The following MAX variants were observed in gnomAD, a reference collection of about 807,000 sequenced individuals.
MAX encodes MYC associated transcriptional regulator X, also known as protein max.
Under a neutral mutation model 22.3 loss-of-function variants are expected in MAX, and 3 were observed. That is an observed-to-expected ratio of 0.13 (90% CI 0.06 to 0.35). The LOEUF is 0.35. Among genes scored for constraint, MAX ranks in the 10% least tolerant of loss-of-function variants. The probability of loss-of-function intolerance (pLI) is 1.00; values close to 1 mark genes in which losing one functional copy is unlikely to be tolerated. For synonymous variants in MAX, 72 were observed against 77.7 expected (o/e 0.93, Z 0.39); for missense variants, 119 against 209.4 (o/e 0.57, Z 2.66).
chr14:65,070,135 T>C (rs2139718878), downstream of MAX, among the ~76,000 whole-genome samples: 1 of 152,338 alleles, frequency 6.6e-6, no homozygotes, highest in Non-Finnish European at 1.5e-5. The surrounding 1 kb of genome is among the most constrained non-coding windows in gnomAD (Gnocchi z 4.4). Flanking sequence ...CATTGGGTTA[T>C]TTTTTGAATC....
rs573708327 is a variant in MAX at position 65,023,701 on chromosome 14, CAT to C, written c.172-17419_172-17418del. Among the ~76,000 whole-genome samples the C allele has an allele frequency of 3.9e-5, 6 of 152,316 alleles. No homozygotes were observed. In the South Asian group the frequency reaches 1.0e-3, roughly 26 times the overall value. On this transcript the variant is annotated intron_variant, in intron 3 of 3. Coordinates refer to the MAX transcript ENST00000341653. This position sits in a 1 kb window ranked among gnomAD's most constrained non-coding sequence, Gnocchi z 4.1. ...AATTAATTGAGAATTTAAATTGCCT[CAT>C]GTGGCTAGTGGCTGCCTATTGGACA...
rs1566562933 is a variant in MAX at position 65,037,751 on chromosome 14, TATTTATTTATTTATTTA to T, written c.172-31484_172-31468del. On this transcript the variant is annotated intron_variant, in intron 3 of 3. Transcript: ENST00000341653. ...CTTATTTATTTATTTATTATTTATT[TATTTATTTATTTATTTA>T]TTTATTTATTTATTTATTTATTTAT... 4.2e-4 allele frequency among the ~76,000 whole-genome samples: 45 copies of T among 106,860 alleles called. 1 individual carries two copies. Among genetic ancestry groups the T allele is most frequent in the Admixed American group, 1.8e-3 (18 of 10,030 alleles). 70.1% of individuals were successfully genotyped at this position (106,860 alleles called of 152,430 possible). A position where few individuals can be genotyped will look rare whatever the true frequency, so the allele number is the denominator to read the frequency against.
intron 3 of MAX, among the ~76,000 whole-genome samples, chr14:65,064,005 G>GC: frequency 6.6e-6 from 1 of 152,148 alleles, no homozygotes; most frequent in East Asian, 1.9e-4. Flanking sequence ...TCACCCTTAG[G>GC]CCCACCTTGA....
At chr14:65,067,537 C>CA (rs1473199739) in intron 3 of MAX, among the ~76,000 whole-genome samples, 1 of 151,976 alleles carries the variant, frequency 6.6e-6, no homozygotes, top group African/African-American at 2.4e-5. Context: ...ATGACTTTGA[C>CA]AGTTTTGAAA....
rs79855589 is a variant in MAX, at chr14:65,049,462, T to G, written c.172-43178A>C. Among the ~76,000 whole-genome samples the G allele has an allele frequency of 6.4e-3, 971 of 152,302 alleles. 10 individuals are homozygous for G. The highest frequency in any genetic ancestry group is 0.022 in the African/African-American group (896 of 41,566). On this transcript the variant is annotated intron_variant, in intron 3 of 3. Coordinates refer to the MAX transcript ENST00000341653. ...AAAGGATTTAAAAGGTGGATTCCAGTGTGCAGTTATCACCCTATAATCGTA... is the reference window on the plus strand; with the variant it reads ...AAAGGATTTAAAAGGTGGATTCCAGGGTGCAGTTATCACCCTATAATCGTA...
chr14:65,097,629 TG>T (rs1298115527), intron 2 of MAX, among the ~76,000 whole-genome samples: 3 of 152,196 alleles, frequency 2.0e-5, no homozygotes, highest in Non-Finnish European at 4.4e-5. Context: ...GAGGGAAGCT[TG>T]TGTTGCTTAT....
chr14:65,027,916 T>A lies in MAX; in HGVS notation c.172-21632A>T. ...AATGACACATGGGATGACATGTCAG[T>A]GACACGTCAGAATCATTCAGATGTG... On this transcript the variant is annotated intron_variant, in intron 3 of 3. Coordinates refer to the MAX transcript ENST00000341653. The surrounding 1 kb of genome is among the most constrained non-coding windows in gnomAD (Gnocchi z 5.7). The A allele has an allele frequency of 8.8e-7, 1 of 1,130,240 alleles. No individual in the cohort carries two copies. The highest frequency in any genetic ancestry group is 1.3e-6 in the Non-Finnish European group (1 of 782,608). 70.0% of individuals were successfully genotyped at this position (1,130,240 alleles called of 1,614,324 possible).
In MAX at chr14:65,076,641, C is replaced by T. The variant is rs997155565; in HGVS notation, c.318G>A (p.Arg106=). 6.2e-7 allele frequency: 1 copy of T among 1,614,156 alleles called. No individual in the cohort carries two copies. The highest frequency in any genetic ancestry group is 1.3e-5 in the African/African-American group (1 of 75,018). The change falls in exon 5 of 5, where the codon AGG becomes AGA. Residue 106 remains arginine, a synonymous_variant. Transcript: ENST00000358664. The surrounding 1 kb of genome is among the most constrained non-coding windows in gnomAD (Gnocchi z 6.6). ...EQQVRALEKA[R]SSAQLQTNYP... is the part of the protein sequence containing the mutation. ...AGTTGGTCTGCAGTTGGGCACTTGA[C>T]CTCGCCTTCTCCAGTGCACGGACTA...
rs1414420992 is a variant in MAX at position 65,101,527 on chromosome 14, T to C, written c.63+19A>G. The C allele has an allele frequency of 1.9e-6, 3 of 1,603,042 alleles. No individual in the cohort carries two copies. The highest frequency in any genetic ancestry group is 1.7e-6 in the Non-Finnish European group (2 of 1,171,918). ...GAACTGAACGGAAATAAAAATGAAA[T>C]GGAGAGTAGGAGACGTACCGCAGAT... On this transcript the variant is annotated intron_variant, in intron 2 of 4. Transcript: ENST00000358664.
chr14:65,008,851 A>T (rs1339348274), intron 3 of MAX, among the ~76,000 whole-genome samples: 1 of 152,092 alleles, frequency 6.6e-6, no homozygotes, highest in Non-Finnish European at 1.5e-5. Context: ...GTACACATAG[A>T]TGTGTAAGTT....
chr14:65,057,237 A>G (rs1006599457), intron 3 of MAX, among the ~76,000 whole-genome samples: 5 of 152,148 alleles, frequency 3.3e-5, no homozygotes, highest in African/African-American at 1.2e-4. Flanking sequence ...CATCCAAACC[A>G]TAGCATTTTG....
chr14:65,085,720 G>C (rs1325142133), intron 3 of MAX, among the ~76,000 whole-genome samples: 1 of 152,194 alleles, frequency 6.6e-6, no homozygotes, highest in Non-Finnish European at 1.5e-5. Context: ...TGGAGACTGA[G>C]GGAAGGGGGG....
Position 65,023,131 on chromosome 14 carries a change from CACTGCAACCTGG to C in MAX, c.172-16859_172-16848del, listed in dbSNP as rs1457706541. On this transcript the variant is annotated intron_variant, in intron 3 of 3. Transcript: ENST00000341653. This position sits in a 1 kb window ranked among gnomAD's most constrained non-coding sequence, Gnocchi z 4.1. ...GGAATGCAGTGGCACAATCACAGCT[CACTGCAACCTGG>C]ACTTCCCCAAGCTCAAGTGATCCTC... is the stretch of plus-strand genomic sequence containing the variant. Among the ~76,000 whole-genome samples the C allele has an allele frequency of 6.6e-6, 1 of 152,222 alleles. No individual in the cohort carries two copies. Among genetic ancestry groups the C allele is most frequent in the Admixed American group, 6.5e-5 (1 of 15,284 alleles).
At chr14:65,063,629 A>G (rs1016462377) in intron 3 of MAX, among the ~76,000 whole-genome samples, 3 of 152,180 alleles carry the variant, frequency 2.0e-5, no homozygotes, top group Non-Finnish European at 4.4e-5. Context: ...CAGTGGCACA[A>G]TCATGGCTCA....
chr14:65,044,450 C>T lies in MAX; in HGVS notation c.172-38166G>A, dbSNP rs1248030878. On this transcript the variant is annotated intron_variant, in intron 3 of 3. Coordinates refer to the MAX transcript ENST00000341653. The surrounding 1 kb of genome is among the most constrained non-coding windows in gnomAD (Gnocchi z 5.5). ...CGCGCACTGCACGCCCAAGGTGAGC[C>T]TGGGGAGCTGTTCACTTGGGGCTGG... The T allele has an allele frequency of 9.4e-6, 15 of 1,598,898 alleles. No individual in the cohort carries two copies. Among genetic ancestry groups the T allele is most frequent in the Non-Finnish European group, 1.3e-5 (15 of 1,174,618 alleles).
intron 3 of MAX, among the ~76,000 whole-genome samples, chr14:65,085,785 A>C (rs1422703773): frequency 6.6e-6 from 1 of 152,168 alleles, no homozygotes; most frequent in Non-Finnish European, 1.5e-5. Context: ...GGGCTCATCA[A>C]TATGGAACCC....
intron 3 of MAX, among the ~76,000 whole-genome samples, chr14:65,060,219 A>G (rs2062830997): frequency 1.3e-5 from 2 of 152,144 alleles, no homozygotes; most frequent in South Asian, 2.1e-4. Flanking sequence ...ATGAAAAACA[A>G]TCATATCACT....
chr14:65,027,863 T>TA lies in MAX; in HGVS notation c.172-21580_172-21579insT. The TA allele has an allele frequency of 6.4e-7, 1 of 1,571,692 alleles. No homozygotes were observed. Reference sequence around the variant, plus strand: ...TTAGAGATGCCAAGCCTAAGGAACATCATGGGGAAGCTGCTGCTTTGTCCC... The same window carrying TA: ...TTAGAGATGCCAAGCCTAAGGAACATACATGGGGAAGCTGCTGCTTTGTCCC... On this transcript the variant is annotated intron_variant, in intron 3 of 3. Coordinates refer to the MAX transcript ENST00000341653. This position sits in a 1 kb window ranked among gnomAD's most constrained non-coding sequence, Gnocchi z 5.7.
chr14:65,019,141 C>G (rs2061838804), intron 3 of MAX, among the ~76,000 whole-genome samples: 2 of 151,994 alleles, frequency 1.3e-5, no homozygotes, highest in Admixed American at 1.3e-4. Context: ...CCACTGCACT[C>G]CAGCCTGGGC....
Sources: allele counts gnomAD v4.1 joint callset (sites outside exome capture counted in the v4.1 genomes callset), GRCh38; gene constraint gnomAD v4.1.1; non-coding constraint Gnocchi (gnomAD v3.1); transcripts MANE v1.5; gene names NCBI Gene and HGNC (gene_info 2026-07-23, HGNC 2026-07-21).